The following GLI3 variants were observed in gnomAD, a reference collection of about 807,000 sequenced individuals.
GLI3 encodes transcription activator GLI3.
GLI3 carries 20 observed loss-of-function variants against 100.8 expected under a neutral mutation model. The observed-to-expected ratio is 0.20, with a 90% CI of 0.14 to 0.29. The LOEUF (loss-of-function observed/expected upper bound fraction) is 0.29, where lower values mean the gene tolerates loss of function less well. GLI3 is among the 10% of genes least tolerant of loss of function. The pLI, the probability that GLI3 is intolerant of heterozygous loss-of-function variation, is 1.00. For missense variants in GLI3, 2,040 were observed against 2,128.5 expected (o/e 0.96, Z 0.82); for synonymous variants, 938 against 860.5 (o/e 1.09, Z -1.58).
intron 3 of GLI3, among the ~76,000 whole-genome samples, chr7:42,115,770 G>A (rs372770876): frequency 6.6e-6 from 1 of 152,158 alleles, no homozygotes; most frequent in Admixed American, 6.5e-5. Flanking sequence ...GGTATGCAGA[G>A]TCAGTTTTAT....
intron 11 of GLI3, 178 bp from the exon 12 acceptor site, chr7:41,977,900 G>A (rs2128712441): frequency 1.5e-6 from 1 of 649,530 alleles, no homozygotes; most frequent in East Asian, 2.8e-5. Flanking sequence ...GCTTGGTGTA[G>A]TTCCAGATAA....
At chr7:42,072,415 C>T (rs1399974839) in intron 4 of GLI3, among the ~76,000 whole-genome samples, 2 of 152,144 alleles carry the variant, frequency 1.3e-5, no homozygotes, top group Non-Finnish European at 2.9e-5. Flanking sequence ...ATTTGGGTTT[C>T]TACAAATACA....
chr7:41,987,293 T>G (rs1370645424), intron 10 of GLI3, among the ~76,000 whole-genome samples: 1 of 151,922 alleles, frequency 6.6e-6, no homozygotes, highest in Non-Finnish European at 1.5e-5. Context: ...CTCAGCCTCC[T>G]GAGCAACTGG....
intron 10 of GLI3, among the ~76,000 whole-genome samples, chr7:41,981,451 G>T (rs1199120243): frequency 6.6e-6 from 1 of 152,232 alleles, no homozygotes; most frequent in Non-Finnish European, 1.5e-5. Context: ...GAAACCTGGT[G>T]CTACTCAAGG....
chr7:42,077,145 G>C (rs1784896671), intron 3 of GLI3, among the ~76,000 whole-genome samples: 1 of 152,152 alleles, frequency 6.6e-6, no homozygotes, highest in African/African-American at 2.4e-5. Context: ...TCCCTATCTT[G>C]AAAGACAGGC....
At chr7:42,140,232 A>C (rs183593747) in intron 3 of GLI3, among the ~76,000 whole-genome samples, 192 of 152,260 alleles carry the variant, frequency 1.3e-3, no homozygotes, top group Non-Finnish European at 2.1e-3. Context: ...CTCCCCTGAC[A>C]GCTCCCTTGT....
chr7:42,007,023 G>T lies in GLI3; in HGVS notation c.1497+16445C>A, dbSNP rs187203832. ...ACAGGCAGCAGGTGAGGCTCTCCCA[G>T]GTGTTTTTAGCTCAGCCTCAGCTTA... On this transcript the variant is annotated intron_variant, in intron 10 of 14. Transcript: ENST00000395925. Among the ~76,000 whole-genome samples the T allele has an allele frequency of 3.0e-4, 46 of 152,100 alleles. 2 individuals carry two copies. In the East Asian group the frequency reaches 6.4e-3, roughly 21 times the overall value.
chr7:41,966,728 A>T lies in GLI3; in HGVS notation c.2432-87T>A. 7.4e-7 allele frequency: 1 copy of T among 1,352,864 alleles called. No homozygotes were observed. The highest frequency in any genetic ancestry group is 1.1e-6 in the Non-Finnish European group (1 of 952,126). 83.8% of individuals were successfully genotyped at this position (1,352,864 alleles called of 1,614,324 possible). A position where few individuals can be genotyped will look rare whatever the true frequency, so the allele number is the denominator to read the frequency against. On this transcript the variant is annotated intron_variant, in intron 14 of 14. Coordinates refer to ENST00000395925, the MANE Select transcript of GLI3 (RefSeq NM_000168.6). The surrounding 1 kb of genome is among the most constrained non-coding windows in gnomAD (Gnocchi z 5.8). ...CAGGCATGAGCAACCCTTTTCTGTA[A>T]AGGGCCAGCTAGGAACTATTTCTGG... is the stretch of plus-strand genomic sequence containing the variant.
At chr7:42,088,649 T>C (rs1785154053) in intron 3 of GLI3, among the ~76,000 whole-genome samples, 1 of 152,242 alleles carries the variant, frequency 6.6e-6, no homozygotes, top group Admixed American at 6.5e-5. Flanking sequence ...CCATGATTCC[T>C]GCAGTCCAGA....
chr7:42,235,108 C>T (rs1788764919), intron 1 of GLI3, among the ~76,000 whole-genome samples: 1 of 152,140 alleles, frequency 6.6e-6, no homozygotes, highest in East Asian at 1.9e-4. Context: ...GATTTTGAGG[C>T]TATTTCACTA....
chr7:42,067,739 AGG>A (rs1784703743), intron 4 of GLI3, among the ~76,000 whole-genome samples: 1 of 152,108 alleles, frequency 6.6e-6, no homozygotes, highest in South Asian at 2.1e-4. Flanking sequence ...AGGTGCTTCC[AGG>A]CAATGAGGGA....
chr7:42,233,061 T>G (rs769293494), intron 1 of GLI3, among the ~76,000 whole-genome samples: 1 of 152,212 alleles, frequency 6.6e-6, no homozygotes, highest in Non-Finnish European at 1.5e-5. Context: ...CATGTAAAGT[T>G]TGCGATCAAA....
chr7:42,155,690 T>C (rs1276637729), intron 2 of GLI3, among the ~76,000 whole-genome samples: 1 of 151,842 alleles, frequency 6.6e-6, no homozygotes, highest in Non-Finnish European at 1.5e-5. Context: ...TCAAAAGAGG[T>C]CCCTGGGATA....
chr7:41,964,579 G>T lies in GLI3; in HGVS notation c.4494C>A (p.Asp1498Glu), dbSNP rs1448182088. The change falls in exon 15 of 15, where the codon GAC becomes GAA. Residue 1498 changes from aspartate to glutamate, a missense_variant. Physicochemically the swap from Asp to Glu is conservative, Grantham distance 45 (BLOSUM62 2). Transcript: ENST00000395925. The stretch of plus-strand genomic sequence containing the variant: ...CGAAGTCAATCTGTACCCCTTCCAG[G>T]TCATGGCTGTCGAGGCTGTCCACTG... The part of the protein sequence containing the change: ...TSTVDSLDSH[D>E]LEGVQIDFDA... 3 of 1,614,004 alleles carry T rather than the reference G, an allele frequency of 1.9e-6. No homozygotes were observed. The highest frequency in any genetic ancestry group is 2.5e-6 in the Non-Finnish European group (3 of 1,179,946).
intron 2 of GLI3, among the ~76,000 whole-genome samples, chr7:42,162,372 TG>T (rs1787147208): frequency 6.6e-6 from 1 of 152,260 alleles, no homozygotes; most frequent in Admixed American, 6.5e-5. Context: ...GTTGCACCTT[TG>T]GTTTAAGTTG....
At position 41,981,185 on chromosome 7, in the gene GLI3, G is replaced by A. The variant is rs142738496; in HGVS notation, c.1498-2437C>T. ...CTTTGAGGAACAGCGTGAGGGCCAC[G>A]CATGGCAGGAGAGAACTGGCCAGGG... On this transcript the variant is annotated intron_variant, in intron 10 of 14. Transcript: ENST00000395925. Among the ~76,000 whole-genome samples, 29 of 152,330 alleles carry A rather than the reference G, an allele frequency of 1.9e-4. No individual in the cohort carries two copies. The East Asian group carries it at 3.5e-3, about 18-fold the overall frequency.
At chr7:42,213,277 A>G (rs985160690) in intron 2 of GLI3, among the ~76,000 whole-genome samples, 5 of 152,258 alleles carry the variant, frequency 3.3e-5, no homozygotes, top group African/African-American at 1.2e-4. Context: ...GTCCTTGAAT[A>G]TAATGCTGAC....
At chr7:42,178,928 G>A (rs1343975879) in intron 2 of GLI3, among the ~76,000 whole-genome samples, 1 of 152,104 alleles carries the variant, frequency 6.6e-6, no homozygotes, top group Non-Finnish European at 1.5e-5. Context: ...AGACACAGGG[G>A]AAGAGGAAGA....
In GLI3 at chr7:41,972,735, C is replaced by T. The variant is rs145127782; in HGVS notation, c.1813-108G>A. On this transcript the variant is annotated intron_variant, in intron 12 of 14. Transcript: ENST00000395925. The surrounding 1 kb of genome is among the most constrained non-coding windows in gnomAD (Gnocchi z 4.4). ...TTACATTTTTAATCCTTTCAAAACACTTTCACAAGGCTTTGAGGTGTTCAG... is the reference window on the plus strand; with the variant it reads ...TTACATTTTTAATCCTTTCAAAACATTTTCACAAGGCTTTGAGGTGTTCAG... 874 of 896,216 alleles carry T rather than the reference C, an allele frequency of 9.8e-4. 1 individual carries two copies. The highest frequency in any genetic ancestry group is 1.5e-3 in the Admixed American group (76 of 50,448). The allele number at this position is 896,216 out of a possible 1,614,324, so 55.5% of individuals were successfully genotyped here.
Sources: gnomAD v4.1 joint callset for allele counts (sites outside exome capture counted in the v4.1 genomes callset) on GRCh38, gnomAD v4.1.1 for gene constraint, Gnocchi (gnomAD v3.1) non-coding constraint, MANE v1.5 for transcripts, NCBI Gene and HGNC (gene_info 2026-07-23, HGNC 2026-07-21) for gene names.